Variants in HTR1E observed in about 807,000 individuals in gnomAD.
HTR1E encodes the protein 5-HT-1E.
HTR1E carries 3 observed loss-of-function variants against 3.4 expected under a neutral mutation model. The ratio of observed to expected loss-of-function variants is 0.89; its 90% CI spans 0.41 to 2.31. HTR1E has a LOEUF of 2.31. Ranked by LOEUF, HTR1E falls within the 30% of genes most tolerant of loss-of-function variation. HTR1E has a pLI of 0.05. For synonymous variants in HTR1E, 170 were observed against 182.8 expected (o/e 0.93, Z 0.56); for missense variants, 392 against 467.0 (o/e 0.84, Z 1.48).
rs1427658959 is a variant in HTR1E, at chr6:87,016,532, G to A, written c.*100G>A. On this transcript the variant is annotated 3_prime_UTR_variant, in exon 2 of 2. Coordinates refer to ENST00000305344, the MANE Select transcript of HTR1E (RefSeq NM_000865.3). ...ATTCTTGAACATACTTGGTTCAGGA[G>A]AGTTTGTAAGTATGTGTGGTCTTGT... 1.2e-5 allele frequency: 12 copies of A among 971,286 alleles called. No homozygotes were observed. The highest frequency in any genetic ancestry group is 1.7e-5 in the Non-Finnish European group (11 of 653,366). 60.2% of individuals were successfully genotyped at this position (971,286 alleles called of 1,614,324 possible).
chr6:86,964,085 G>C (rs1328007704), intron 1 of HTR1E, among the ~76,000 whole-genome samples: 1 of 152,198 alleles, frequency 6.6e-6, no homozygotes, highest in African/African-American at 2.4e-5. Context: ...GAGAAGAAGA[G>C]AGGCACCTTC....
At position 87,016,482 on chromosome 6, in the gene HTR1E, T is replaced by C; in HGVS notation, c.*50T>C. 1 of 1,498,004 alleles carries C rather than the reference T, an allele frequency of 6.7e-7. No homozygotes were observed. Among genetic ancestry groups the C allele is most frequent in the Non-Finnish European group, 9.0e-7 (1 of 1,106,216 alleles). The allele number at this position is 1,498,004 out of a possible 1,614,324, so 92.8% of individuals were successfully genotyped here. A position where few individuals can be genotyped will look rare whatever the true frequency, so the allele number is the denominator to read the frequency against. On this transcript the variant is annotated 3_prime_UTR_variant, in exon 2 of 2. Transcript: ENST00000305344. ...CTTTTTCCAGAGCCTCATGAGTGGA[T>C]GGGGGTAAGGGGTGCAACTTATTAA...
intron 1 of HTR1E, among the ~76,000 whole-genome samples, chr6:86,947,845 A>G (rs1486561463): frequency 2.6e-5 from 4 of 152,158 alleles, no homozygotes; most frequent in Non-Finnish European, 5.9e-5. Context: ...AATTCCAACA[A>G]TTGTGAAGTA....
intron 1 of HTR1E, among the ~76,000 whole-genome samples, chr6:86,968,027 G>A (rs921146560): frequency 1.0e-4 from 11 of 109,158 alleles, no homozygotes; most frequent in Admixed American, 3.8e-4. Flanking sequence ...CATATCAATC[G>A]AGATAATAAA....
chr6:86,942,520 CTTT>C (rs2127815247), intron 1 of HTR1E, among the ~76,000 whole-genome samples: 2 of 152,282 alleles, frequency 1.3e-5, no homozygotes, highest in African/African-American at 4.8e-5. Context: ...ATGATTTCCT[CTTT>C]TATTATGCTT....
chr6:86,976,023 GC>G (rs1043326548), intron 1 of HTR1E, among the ~76,000 whole-genome samples: 3 of 151,396 alleles, frequency 2.0e-5, no homozygotes, highest in Admixed American at 6.6e-5. Flanking sequence ...ATCAAAATCG[GC>G]AAAGGATACT....
At chr6:86,968,866 C>A (rs1324088167) in intron 1 of HTR1E, among the ~76,000 whole-genome samples, 1 of 151,886 alleles carries the variant, frequency 6.6e-6, no homozygotes, top group Non-Finnish European at 1.5e-5. Flanking sequence ...ATAAACATCT[C>A]TATTAACACA....
chr6:87,015,492 T>C lies in HTR1E; in HGVS notation c.158T>C (p.Leu53Pro), dbSNP rs1582288628. The stretch of plus-strand genomic sequence containing the variant: ...ATGGCTATTGGCACCACCAAGAAGC[T>C]CCACCAGCCTGCCAACTACCTAATC... ...VIMAIGTTKK[L>P]HQPANYLICS... Residue 53 changes from leucine (L) to proline (P), a missense_variant, in exon 2 of 2, where the codon CTC becomes CCC. Leu to Pro is a moderately conservative substitution (Grantham distance 98). Around this residue, in one of 3 missense-constraint regions of HTR1E, gnomAD observed 189 missense variants for 258.0 expected, o/e 0.73. Transcript: ENST00000305344. 2 of 1,613,790 alleles carry C rather than the reference T, an allele frequency of 1.2e-6. No individual in the cohort carries two copies. Among genetic ancestry groups the C allele is most frequent in the Non-Finnish European group, 1.7e-6 (2 of 1,179,870 alleles).
chr6:86,994,265 A>G (rs1229693676), intron 1 of HTR1E, among the ~76,000 whole-genome samples: 2 of 152,164 alleles, frequency 1.3e-5, no homozygotes, highest in East Asian at 3.8e-4. Flanking sequence ...AAGATAGAGA[A>G]AAAGATTCAA....
chr6:86,991,894 T>G (rs1231071734), intron 1 of HTR1E, among the ~76,000 whole-genome samples: 1 of 152,188 alleles, frequency 6.6e-6, no homozygotes, highest in Non-Finnish European at 1.5e-5. Context: ...TCTCTAAATT[T>G]TCCTTGTAAA....
At chr6:86,986,714 A>G (rs746925593) in intron 1 of HTR1E, among the ~76,000 whole-genome samples, 1 of 152,218 alleles carries the variant, frequency 6.6e-6, no homozygotes, top group East Asian at 1.9e-4. Flanking sequence ...ATATAATCCT[A>G]TAATATTTAC....
At position 87,016,131 on chromosome 6, in the gene HTR1E, C is replaced by T. The variant is rs773660342; in HGVS notation, c.797C>T (p.Pro266Leu). The change falls in exon 2 of 2, where the codon CCC becomes CTC. Residue 266 changes from proline (P) to leucine (L), a missense_variant. Around this residue, in one of 3 missense-constraint regions of HTR1E, gnomAD observed 178 missense variants for 164.9 expected, o/e 1.08. Transcript: ENST00000305344. ...FEKFHASIRI[P>L]PFDNDLDHPG... The stretch of plus-strand genomic sequence containing the variant: ...AAGTTCCATGCCTCCATCAGGATCC[C>T]CCCCTTCGACAATGATCTAGATCAC... 2 of 1,614,062 alleles carry T rather than the reference C, an allele frequency of 1.2e-6. No individual in the cohort carries two copies. Among genetic ancestry groups the T allele is most frequent in the East Asian group, 2.2e-5 (1 of 44,892 alleles).
intron 1 of HTR1E, among the ~76,000 whole-genome samples, chr6:86,942,906 A>G (rs1007735860): frequency 6.6e-6 from 1 of 152,180 alleles, no homozygotes; most frequent in Non-Finnish European, 1.5e-5. Context: ...AAAGTCTCAA[A>G]GCTCACAAGA....
intron 1 of HTR1E, among the ~76,000 whole-genome samples, chr6:87,003,021 G>A (rs796579488): frequency 1.6e-4 from 25 of 152,200 alleles, no homozygotes; most frequent in African/African-American, 5.8e-4. Flanking sequence ...TGCAGAATAC[G>A]TATTCTTCTC....
At chr6:86,976,530 T>C (rs1006985682) in intron 1 of HTR1E, among the ~76,000 whole-genome samples, 5 of 152,234 alleles carry the variant, frequency 3.3e-5, no homozygotes, top group African/African-American at 1.2e-4. Flanking sequence ...AAAGAATTGC[T>C]GTTTGGAGCA....
intron 1 of HTR1E, among the ~76,000 whole-genome samples, chr6:86,941,161 A>G (rs1226417087): frequency 1.3e-5 from 2 of 152,216 alleles, no homozygotes; most frequent in African/African-American, 4.8e-5. Context: ...CAACTTACCA[A>G]AGTTCATCTT....
At chr6:86,978,589 A>C (rs547731024) in intron 1 of HTR1E, among the ~76,000 whole-genome samples, 1 of 152,334 alleles carries the variant, frequency 6.6e-6, no homozygotes, top group African/African-American at 2.4e-5. Flanking sequence ...ATGTGAGATA[A>C]TAAATTTCTT....
intron 1 of HTR1E, among the ~76,000 whole-genome samples, chr6:86,952,247 T>C (rs866680319): frequency 5.2e-4 from 79 of 152,214 alleles, no homozygotes; most frequent in African/African-American, 1.8e-3. Flanking sequence ...AATTTCGAGA[T>C]TCAAACAACT....
intron 1 of HTR1E, among the ~76,000 whole-genome samples, chr6:86,991,544 T>C (rs1767870126): frequency 6.6e-6 from 1 of 152,190 alleles, no homozygotes; most frequent in Non-Finnish European, 1.5e-5. Flanking sequence ...TAGAGTTTTA[T>C]AGTGAATGCA....
Sources: gnomAD v4.1 joint callset for allele counts (sites outside exome capture counted in the v4.1 genomes callset) on GRCh38, gnomAD v4.1.1 for gene constraint, gnomAD v4.1.1 regional missense constraint, MANE v1.5 for transcripts, NCBI Gene and HGNC (gene_info 2026-07-23, HGNC 2026-07-21) for gene names.